GPC6: variants seen among roughly 807,000 people sequenced by gnomAD.
The protein encoded by GPC6 is glypican 6, also known as glypican-6.
A neutral mutation model predicts 55.2 loss-of-function variants in GPC6; 14 were observed. The ratio of observed to expected loss-of-function variants is 0.25; its 90% CI spans 0.17 to 0.40. The LOEUF (loss-of-function observed/expected upper bound fraction) is 0.40. Ranked by LOEUF, GPC6 falls within the 10% of genes least tolerant of loss-of-function variation. GPC6 has a pLI of 1.00. For missense variants in GPC6, 641 were observed against 708.5 expected, an observed-to-expected ratio of 0.90 and a Z score of 1.08; for synonymous variants, 278 against 259.6, an observed-to-expected ratio of 1.07 and a Z score of -0.68.
intron 1 of GPC6, among the ~76,000 whole-genome samples, chr13:93,343,369 C>A (rs1880326366): frequency 6.6e-6 from 1 of 152,086 alleles, no homozygotes; most frequent in Admixed American, 6.6e-5. Flanking sequence ...TGGCCAGAGA[C>A]CATCGAGCCT....
chr13:94,107,981 A>G (rs1251485950), intron 4 of GPC6, among the ~76,000 whole-genome samples: 2 of 152,216 alleles, frequency 1.3e-5, no homozygotes, highest in Non-Finnish European at 2.9e-5. Flanking sequence ...CAGTGTGGAC[A>G]TTCCTTAAAT....
intron 1 of GPC6, among the ~76,000 whole-genome samples, chr13:93,247,560 G>T (rs1876645328): frequency 6.6e-6 from 1 of 151,880 alleles, no homozygotes; most frequent in African/African-American, 2.4e-5. Context: ...ACAGACTTGG[G>T]GATATTAGAT....
chr13:94,230,834 G>A (rs1441775747), intron 4 of GPC6, among the ~76,000 whole-genome samples: 1 of 152,164 alleles, frequency 6.6e-6, no homozygotes, highest in African/African-American at 2.4e-5. Context: ...ATGTATGAGT[G>A]TACTCTGTGC....
At chr13:94,039,259 G>A (rs1883446257) in intron 4 of GPC6, among the ~76,000 whole-genome samples, 1 of 152,034 alleles carries the variant, frequency 6.6e-6, no homozygotes, top group East Asian at 1.9e-4. Context: ...ACAAGGCACA[G>A]GGTTTTTTTA....
chr13:94,081,546 G>C (rs1885095466), intron 4 of GPC6, among the ~76,000 whole-genome samples: 1 of 152,128 alleles, frequency 6.6e-6, no homozygotes, highest in Admixed American at 6.5e-5. Context: ...AAGTTTAAAT[G>C]GGAAAAGGAG....
At chr13:93,378,340 C>T (rs893935818) in intron 1 of GPC6, among the ~76,000 whole-genome samples, 3 of 152,170 alleles carry the variant, frequency 2.0e-5, no homozygotes, top group Non-Finnish European at 2.9e-5. Context: ...TTGCTCCCTG[C>T]GTTTCTTCTA....
At chr13:93,364,347 T>TA (rs1264970969) in intron 1 of GPC6, among the ~76,000 whole-genome samples, 1 of 152,098 alleles carries the variant, frequency 6.6e-6, no homozygotes, top group African/African-American at 2.4e-5. Context: ...GGAGAATGTA[T>TA]GTTATCTATC....
chr13:93,262,823 A>G (rs1877196405), intron 1 of GPC6, among the ~76,000 whole-genome samples: 1 of 152,142 alleles, frequency 6.6e-6, no homozygotes, highest in South Asian at 2.1e-4. Context: ...CCTGGACCCC[A>G]GCTGATGTCC....
At chr13:93,859,924 G>T (rs980991372) in intron 3 of GPC6, among the ~76,000 whole-genome samples, 2 of 151,758 alleles carry the variant, frequency 1.3e-5, no homozygotes, top group East Asian at 3.9e-4. Context: ...TGGCCACAAG[G>T]ATCTCAACGG....
At chr13:93,451,442 C>T (rs567207362) in intron 1 of GPC6, among the ~76,000 whole-genome samples, 2 of 152,222 alleles carry the variant, frequency 1.3e-5, no homozygotes, top group South Asian at 2.1e-4. Context: ...ATGGCTTTTA[C>T]GTTTTTAAAT....
At chr13:93,280,005 A>C (rs1877894953) in intron 1 of GPC6, among the ~76,000 whole-genome samples, 1 of 152,194 alleles carries the variant, frequency 6.6e-6, no homozygotes, top group South Asian at 2.1e-4. Context: ...AAGAATTGAG[A>C]GGTATAAGGA....
At chr13:93,662,396 G>A (rs551568180) in intron 2 of GPC6, among the ~76,000 whole-genome samples, 60 of 152,188 alleles carry the variant, frequency 3.9e-4, no homozygotes, top group African/African-American at 1.4e-3. Flanking sequence ...TTGGGAGGCC[G>A]AGGTGGGCAG....
At chr13:93,637,753 A>G (rs1879758141) in intron 2 of GPC6, among the ~76,000 whole-genome samples, 1 of 152,114 alleles carries the variant, frequency 6.6e-6, no homozygotes, top group Non-Finnish European at 1.5e-5. Context: ...CCTGCTAAAA[A>G]TCAACACATA....
At chr13:94,013,908 G>C (rs1456722578) in intron 3 of GPC6, among the ~76,000 whole-genome samples, 2 of 152,200 alleles carry the variant, frequency 1.3e-5, no homozygotes, top group African/African-American at 4.8e-5. Context: ...CTCAGAAAGT[G>C]CTGTCGTTTT....
chr13:93,403,718 G>T (rs530862637), intron 1 of GPC6, among the ~76,000 whole-genome samples: 1 of 152,202 alleles, frequency 6.6e-6, no homozygotes, highest in South Asian at 2.1e-4. Context: ...GCTCGCTCAT[G>T]CCTCAGATAT....
intron 4 of GPC6, among the ~76,000 whole-genome samples, chr13:94,107,676 G>A (rs1447005652): frequency 6.7e-6 from 1 of 150,102 alleles, no homozygotes; most frequent in African/African-American, 2.5e-5. Context: ...AATATGTTAG[G>A]TTTAAAATTA....
At chr13:93,761,944 A>G (rs1268500823) in intron 2 of GPC6, among the ~76,000 whole-genome samples, 3 of 152,142 alleles carry the variant, frequency 2.0e-5, no homozygotes, top group East Asian at 3.8e-4. Flanking sequence ...CATCTGTCCA[A>G]TAGAACACCA....
chr13:93,851,262 A>T (rs1888385420), intron 3 of GPC6, among the ~76,000 whole-genome samples: 1 of 151,946 alleles, frequency 6.6e-6, no homozygotes, highest in African/African-American at 2.4e-5. Flanking sequence ...ATGTTTTTGT[A>T]TATGATTCAT....
intron 2 of GPC6, among the ~76,000 whole-genome samples, chr13:93,804,734 C>A (rs1240148383): frequency 1.3e-5 from 2 of 152,176 alleles, no homozygotes; most frequent in East Asian, 3.9e-4. Flanking sequence ...CCACCAGGAA[C>A]CATAGATTCT....
Sources: allele counts gnomAD v4.1 joint callset (sites outside exome capture counted in the v4.1 genomes callset), GRCh38; gene constraint gnomAD v4.1.1; transcripts MANE v1.5; gene names NCBI Gene and HGNC (gene_info 2026-07-23, HGNC 2026-07-21).